Variants in EXOC4 observed in about 807,000 individuals in gnomAD.
EXOC4 encodes the protein SEC8-like 1.
A neutral mutation model predicts 107.2 loss-of-function variants in EXOC4; 71 were observed. That is an observed-to-expected ratio of 0.66 (90% CI 0.55 to 0.81). EXOC4 has a LOEUF of 0.81. Ranked by LOEUF, EXOC4 falls within the 30% of genes least tolerant of loss-of-function variation. The probability of loss-of-function intolerance (pLI) is 0.00; values close to 1 mark genes in which losing one functional copy is unlikely to be tolerated. For synonymous variants in EXOC4, 456 were observed against 441.2 expected (o/e 1.03, Z -0.42); for missense variants, 1,108 against 1,189.6 (o/e 0.93, Z 1.01).
chr7:133,415,974 G>T (rs1249877051), intron 7 of EXOC4, among the ~76,000 whole-genome samples: 2 of 152,142 alleles, frequency 1.3e-5, no homozygotes, highest in Non-Finnish European at 2.9e-5. Context: ...TCATTTATTA[G>T]TACAGATACT....
chr7:133,742,881 C>T (rs1447123474), intron 10 of EXOC4, among the ~76,000 whole-genome samples: 1 of 152,064 alleles, frequency 6.6e-6, no homozygotes, highest in Admixed American at 6.6e-5. Flanking sequence ...ATTTTAACAT[C>T]AAAAGAGGAA....
intron 10 of EXOC4, among the ~76,000 whole-genome samples, chr7:133,691,567 G>A (rs528479454): frequency 6.6e-6 from 1 of 152,256 alleles, no homozygotes; most frequent in South Asian, 2.1e-4. Context: ...ATATGTAATA[G>A]TGAACCAGAC....
chr7:134,039,909 G>T (rs1199976407), intron 17 of EXOC4, among the ~76,000 whole-genome samples: 1 of 152,114 alleles, frequency 6.6e-6, no homozygotes, highest in African/African-American at 2.4e-5. Context: ...TCATTAACTT[G>T]GATTTTGGTT....
chr7:133,850,638 C>CCCG (rs1194870965), intron 11 of EXOC4, among the ~76,000 whole-genome samples: 2 of 150,484 alleles, frequency 1.3e-5, no homozygotes, highest in South Asian at 2.1e-4. Flanking sequence ...TAGGTTACCC[C>CCCG]CCCACACACA....
At chr7:133,482,188 A>C (rs1303108248) in intron 9 of EXOC4, among the ~76,000 whole-genome samples, 1 of 152,204 alleles carries the variant, frequency 6.6e-6, no homozygotes, top group Non-Finnish European at 1.5e-5. Flanking sequence ...CTTAAAAATT[A>C]ATAAACACTA....
At chr7:133,551,475 T>C (rs1253501293) in intron 9 of EXOC4, 1 of 152,190 alleles carries the variant, frequency 6.6e-6, no homozygotes, top group African/African-American at 2.4e-5. Flanking sequence ...AAAATTGCTC[T>C]CTTTTTTGGA....
At chr7:133,956,955 T>A (rs576818556) in intron 14 of EXOC4, among the ~76,000 whole-genome samples, 38 of 152,264 alleles carry the variant, frequency 2.5e-4, no homozygotes, top group Non-Finnish European at 3.8e-4. Context: ...TTATAAAAAG[T>A]GTATTTTCCA....
At chr7:133,804,822 A>C (rs192953420) in intron 10 of EXOC4, among the ~76,000 whole-genome samples, 11 of 152,300 alleles carry the variant, frequency 7.2e-5, no homozygotes, top group Non-Finnish European at 1.6e-4. Context: ...TAGTACATGC[A>C]TCCTTAACTT....
At chr7:134,037,656 A>C (rs1795422127) in intron 17 of EXOC4, among the ~76,000 whole-genome samples, 1 of 152,152 alleles carries the variant, frequency 6.6e-6, no homozygotes, top group East Asian at 1.9e-4. Context: ...ACAATTTAGA[A>C]GGGGATTATC....
At chr7:133,897,100 G>C (rs546831934) in intron 12 of EXOC4, among the ~76,000 whole-genome samples, 1 of 151,302 alleles carries the variant, frequency 6.6e-6, no homozygotes, top group South Asian at 2.1e-4. Flanking sequence ...ATAACATTCT[G>C]AAAATGTAGA....
chr7:133,346,083 T>C (rs1379103442), intron 5 of EXOC4, among the ~76,000 whole-genome samples: 1 of 152,150 alleles, frequency 6.6e-6, no homozygotes, highest in Admixed American at 6.5e-5. Context: ...AAGAAGTAAT[T>C]TTTCACGGTG....
At chr7:134,012,133 G>A (rs999531979) in intron 17 of EXOC4, among the ~76,000 whole-genome samples, 6 of 152,176 alleles carry the variant, frequency 3.9e-5, no homozygotes, top group Admixed American at 1.3e-4. Flanking sequence ...TAATGACACT[G>A]AGTTTTACTT....
intron 5 of EXOC4, among the ~76,000 whole-genome samples, chr7:133,352,555 A>G (rs1170031099): frequency 2.0e-5 from 3 of 151,940 alleles, no homozygotes; most frequent in Non-Finnish European, 2.9e-5. Context: ...GTGCCTTTGT[A>G]GACAGCATAT....
intron 11 of EXOC4, among the ~76,000 whole-genome samples, chr7:133,822,710 C>T (rs1797552279): frequency 6.6e-6 from 1 of 152,138 alleles, no homozygotes; most frequent in East Asian, 1.9e-4. Flanking sequence ...ATGCAGATTC[C>T]TGAACCTCAC....
intron 2 of EXOC4, among the ~76,000 whole-genome samples, chr7:133,278,819 T>A (rs1794059616): frequency 6.6e-6 from 1 of 152,110 alleles, no homozygotes; most frequent in South Asian, 2.1e-4. Context: ...GCTAACATCT[T>A]TTTTTTACTA....
At chr7:133,796,458 G>A (rs538358255) in intron 10 of EXOC4, among the ~76,000 whole-genome samples, 1 of 152,280 alleles carries the variant, frequency 6.6e-6, no homozygotes, top group African/African-American at 2.4e-5. Flanking sequence ...GTAATATTGA[G>A]TTAACAATAT....
intron 7 of EXOC4, among the ~76,000 whole-genome samples, chr7:133,419,802 T>C (rs899165805): frequency 9.9e-5 from 15 of 152,092 alleles, no homozygotes; most frequent in Non-Finnish European, 1.5e-4. Flanking sequence ...AACGTAATGA[T>C]TTAAAATAGC....
intron 9 of EXOC4, among the ~76,000 whole-genome samples, chr7:133,532,392 G>A (rs551432952): frequency 3.3e-5 from 5 of 152,200 alleles, no homozygotes; most frequent in East Asian, 1.9e-4. Flanking sequence ...TAGGAAATGA[G>A]TATTAGTTCC....
intron 11 of EXOC4, among the ~76,000 whole-genome samples, chr7:133,879,980 C>A (rs937030827): frequency 6.6e-6 from 1 of 152,156 alleles, no homozygotes. Context: ...ACAGAAATTC[C>A]CTTCTCCAGC....
Sources: allele counts gnomAD v4.1 joint callset (sites outside exome capture counted in the v4.1 genomes callset), GRCh38; gene constraint gnomAD v4.1.1; transcripts MANE v1.5; gene names NCBI Gene and HGNC (gene_info 2026-07-23, HGNC 2026-07-21).